Variants in SGCD observed in about 807,000 individuals in gnomAD.
SGCD encodes delta-sarcoglycan.
SGCD carries 18 observed loss-of-function variants against 36.6 expected under a neutral mutation model. That is an observed-to-expected ratio of 0.49 (90% CI 0.34 to 0.73). The LOEUF is 0.73. Ranked by LOEUF, SGCD falls within the 30% of genes least tolerant of loss-of-function variation. SGCD has a pLI of 0.01. For synonymous variants in SGCD, 133 were observed against 130.6 expected (o/e 1.02, Z -0.12); for missense variants, 387 against 346.7 (o/e 1.12, Z -0.92).
At chr5:156,320,436 G>T (rs10045825) in intron 3 of SGCD, among the ~76,000 whole-genome samples, 34,272 of 152,012 alleles carry the variant, frequency 0.23, 4,012 homozygotes, top group Middle Eastern at 0.37. Flanking sequence ...TTACTTATAA[G>T]AAGCTATAAT....
intron 6 of SGCD, among the ~76,000 whole-genome samples, chr5:156,596,884 CT>C (rs1287756698): frequency 6.6e-6 from 1 of 152,162 alleles, no homozygotes; most frequent in African/African-American, 2.4e-5. Context: ...GACTCTCCCA[CT>C]TGTATTTGCC....
At chr5:155,899,739 T>C (rs1350598839) in intron 1 of SGCD, among the ~76,000 whole-genome samples, 1 of 152,162 alleles carries the variant, frequency 6.6e-6, no homozygotes, top group African/African-American at 2.4e-5. Flanking sequence ...AACTTACCTT[T>C]TCAGGATCTT....
chr5:156,614,498 TTCCC>T (rs1761951261), intron 6 of SGCD, among the ~76,000 whole-genome samples: 1 of 152,196 alleles, frequency 6.6e-6, no homozygotes, highest in South Asian at 2.1e-4. Context: ...TGCTCCACTA[TTCCC>T]TAAGAATGCT....
chr5:156,454,681 A>G (rs1033160987), intron 3 of SGCD, among the ~76,000 whole-genome samples: 2 of 152,142 alleles, frequency 1.3e-5, no homozygotes, highest in African/African-American at 4.8e-5. Context: ...GGTTCTACAG[A>G]GAGAGCATTG....
intron 3 of SGCD, among the ~76,000 whole-genome samples, chr5:156,240,657 A>G (rs1016391949): frequency 6.6e-6 from 1 of 152,188 alleles, no homozygotes; most frequent in Non-Finnish European, 1.5e-5. Flanking sequence ...GAACATCCAG[A>G]GCAATTTGGC....
intron 4 of SGCD, among the ~76,000 whole-genome samples, chr5:156,562,106 G>A (rs1370221935): frequency 6.6e-6 from 1 of 152,106 alleles, no homozygotes; most frequent in South Asian, 2.1e-4. Context: ...AGACATTAAA[G>A]ACAAAAATAG....
At chr5:156,288,218 C>T (rs1026768154) in intron 3 of SGCD, among the ~76,000 whole-genome samples, 8 of 152,126 alleles carry the variant, frequency 5.3e-5, no homozygotes, top group Non-Finnish European at 1.2e-4. Context: ...TTCTCTTTCT[C>T]TGTGTTTTTT....
At chr5:155,870,922 A>G (rs989550689) in intron 1 of SGCD, among the ~76,000 whole-genome samples, 1 of 152,320 alleles carries the variant, frequency 6.6e-6, no homozygotes, top group East Asian at 1.9e-4. Flanking sequence ...CCATTTTCAC[A>G]ATTGTTACTT....
At chr5:156,224,234 A>G (rs947581608) in intron 3 of SGCD, among the ~76,000 whole-genome samples, 4 of 151,994 alleles carry the variant, frequency 2.6e-5, no homozygotes, top group African/African-American at 9.7e-5. Flanking sequence ...TACAGCCAGT[A>G]TTCAGTCCTA....
chr5:156,742,530 C>A (rs968208811), intron 7 of SGCD, among the ~76,000 whole-genome samples: 2 of 152,136 alleles, frequency 1.3e-5, no homozygotes, highest in Admixed American at 1.3e-4. Context: ...ATAACAGACT[C>A]CTAGCTACTT....
chr5:156,159,524 T>C (rs1213051146), intron 3 of SGCD, among the ~76,000 whole-genome samples: 1 of 151,572 alleles, frequency 6.6e-6, no homozygotes, highest in African/African-American at 2.4e-5. Flanking sequence ...TATCATACCT[T>C]TGGCTTCAGA....
chr5:156,761,884 T>C lies in SGCD; in HGVS notation c.*2494T>C, dbSNP rs1380092979. On this transcript the variant is annotated 3_prime_UTR_variant, in exon 9 of 9. Transcript: ENST00000337851. ...ATCAACCATATAAATCAAGTACCTA[T>C]TGGGAACAGACATAACATTCAATTT... 2.0e-5 allele frequency: 3 copies of C among 152,168 alleles called. No homozygotes were observed. The highest frequency in any genetic ancestry group is 1.3e-4 in the Admixed American group (2 of 15,276). The allele number at this position is 152,168 out of a possible 1,614,324, so 9.4% of individuals were successfully genotyped here. A position where few individuals can be genotyped will look rare whatever the true frequency, so the allele number is the denominator to read the frequency against.
chr5:156,633,578 TATC>T (rs1195289205), intron 6 of SGCD, among the ~76,000 whole-genome samples: 1 of 152,198 alleles, frequency 6.6e-6, no homozygotes, highest in East Asian at 1.9e-4. Flanking sequence ...GCTATAATAA[TATC>T]ATGTACTAGG....
chr5:156,426,318 C>A (rs1311854068), intron 3 of SGCD, among the ~76,000 whole-genome samples: 1 of 152,052 alleles, frequency 6.6e-6, no homozygotes, highest in African/African-American at 2.4e-5. Context: ...TTGCATTTCC[C>A]TGATAATTAG....
the SGCD span, among the ~76,000 whole-genome samples, chr5:155,858,274 A>C: frequency 6.6e-5 from 10 of 152,262 alleles, no homozygotes; most frequent in Admixed American, 5.9e-4. Context: ...TTTGATATCC[A>C]TCTCTACAAG....
chr5:156,717,348 T>C (rs1755272536), intron 7 of SGCD, among the ~76,000 whole-genome samples: 1 of 152,186 alleles, frequency 6.6e-6, no homozygotes, highest in African/African-American at 2.4e-5. Context: ...GTGAATGCTC[T>C]TCTCCAACTA....
At chr5:155,766,661 A>G in the SGCD span, among the ~76,000 whole-genome samples, 1 of 152,302 alleles carries the variant, frequency 6.6e-6, no homozygotes, top group Non-Finnish European at 1.5e-5. Flanking sequence ...TCCGACCTAC[A>G]CATTACATTA....
chr5:155,886,507 CGTGCGTGTGTGT>C (rs1350111344), intron 1 of SGCD, among the ~76,000 whole-genome samples: 196 of 150,744 alleles, frequency 1.3e-3, no homozygotes, highest in African/African-American at 4.7e-3. Context: ...CGCACGCGCG[CGTGCGTGTGTGT>C]GTGCGTGGGC....
At chr5:155,820,009 A>C in the SGCD span, among the ~76,000 whole-genome samples, 5 of 152,086 alleles carry the variant, frequency 3.3e-5, no homozygotes, top group Non-Finnish European at 7.4e-5. Context: ...AGGAATTCGG[A>C]GGTGGATAGA....
Sources: gnomAD v4.1 joint callset for allele counts (sites outside exome capture counted in the v4.1 genomes callset) on GRCh38, gnomAD v4.1.1 for gene constraint, MANE v1.5 for transcripts, NCBI Gene and HGNC (gene_info 2026-07-23, HGNC 2026-07-21) for gene names.